NOP9: variants seen among roughly 807,000 people sequenced by gnomAD.
The protein encoded by NOP9 is NOP9 nucleolar protein.
NOP9 carries 50 observed loss-of-function variants against 63.0 expected under a neutral mutation model. That is an observed-to-expected ratio of 0.79 (90% CI 0.63 to 1.00). The LOEUF is 1.00. NOP9 is among the 50% of genes least tolerant of loss of function. The pLI is 0.00. For synonymous variants in NOP9, 343 were observed against 332.8 expected (o/e 1.03, Z -0.33); for missense variants, 758 against 803.0 (o/e 0.94, Z 0.68).
the NOP9 span, among the ~76,000 whole-genome samples, chr14:24,288,130 C>T: frequency 2.6e-5 from 4 of 152,166 alleles, no homozygotes; most frequent in African/African-American, 9.7e-5. Context: ...ATACCAGGAC[C>T]GAGGTCTTAC....
chr14:24,307,447 G>A lies in NOP9; in HGVS notation c.*2352G>A, dbSNP rs373402348. The A allele has an allele frequency of 5.0e-6, 8 of 1,614,170 alleles. No homozygotes were observed. Among genetic ancestry groups the A allele is most frequent in the Non-Finnish European group, 3.4e-6 (4 of 1,180,024 alleles). Reference sequence around the variant, plus strand: ...CCGCTTGTGATCACAGACACGGAAAGGTCGCTGGGGTGGTGGAGCTGAGGT... The same window carrying A: ...CCGCTTGTGATCACAGACACGGAAAAGTCGCTGGGGTGGTGGAGCTGAGGT... On this transcript the variant is annotated 3_prime_UTR_variant, in exon 10 of 10. Transcript: ENST00000267425.
At chr14:24,272,022 C>T in the NOP9 span, among the ~76,000 whole-genome samples, 6 of 152,200 alleles carry the variant, frequency 3.9e-5, no homozygotes, top group Non-Finnish European at 7.3e-5. Context: ...ACCTCCACCC[C>T]TAAATGTTGG....
intron 6 of NOP9, 88 bp from the exon 7 acceptor site, chr14:24,303,644 T>G: frequency 7.0e-7 from 1 of 1,430,708 alleles, no homozygotes; most frequent in Non-Finnish European, 9.8e-7. Context: ...GAGTTGGGCC[T>G]TCTTTCCTTT....
chr14:24,294,272 A>G, the NOP9 span: 3 of 152,108 alleles, frequency 2.0e-5, no homozygotes, highest in African/African-American at 7.2e-5. Context: ...ACAAAGATAC[A>G]TGTATATTTC....
In NOP9 at chr14:24,303,842, G is replaced by A. The variant is rs951482358; in HGVS notation, c.1395G>A (p.Val465=). Residue 465 remains valine (V), a synonymous_variant, in exon 7 of 10, where the codon GTG becomes GTA. Transcript: ENST00000267425. ...YYGLTEEEGA[V]PAEHQVAMAA... ...GACTGACGGAGGAGGAGGGGGCAGT[G>A]CCTGCAGAGCACCAGGTGAGGTAGG... 6.2e-7 allele frequency: 1 copy of A among 1,614,118 alleles called. No homozygotes were observed. Among genetic ancestry groups the A allele is most frequent in the Non-Finnish European group, 8.5e-7 (1 of 1,179,966 alleles).
the NOP9 span, among the ~76,000 whole-genome samples, chr14:24,283,251 A>ATG: frequency 6.6e-6 from 1 of 152,174 alleles, no homozygotes; most frequent in Non-Finnish European, 1.5e-5. Context: ...GCCATTGTAC[A>ATG]TATGTATCTC....
the NOP9 span, chr14:24,294,550 T>G: frequency 6.6e-6 from 1 of 152,012 alleles, no homozygotes; most frequent in Non-Finnish European, 1.5e-5. Flanking sequence ...GATTGCACAC[T>G]GCACTCTAGC....
chr14:24,283,884 C>T, the NOP9 span, among the ~76,000 whole-genome samples: 16 of 152,404 alleles, frequency 1.0e-4, no homozygotes, highest in Admixed American at 2.6e-4. Context: ...CCTCCTTAGC[C>T]CCTGCTCAGT....
chr14:24,301,774 C>G, intron 3 of NOP9, 52 bp downstream of exon 3: 1 of 1,585,568 alleles, frequency 6.3e-7, no homozygotes, highest in Non-Finnish European at 8.7e-7. Flanking sequence ...TGGAGGTCAT[C>G]TTACCACCAA....
the NOP9 span, chr14:24,290,942 C>A: frequency 6.2e-7 from 1 of 1,613,862 alleles, no homozygotes; most frequent in Admixed American, 1.7e-5. Flanking sequence ...CAGCCCAGGC[C>A]GGACACGTGT....
chr14:24,277,291 G>A, the NOP9 span, among the ~76,000 whole-genome samples: 1 of 152,182 alleles, frequency 6.6e-6, no homozygotes, highest in South Asian at 2.1e-4. Context: ...ATGTGGAGAT[G>A]TCCTGAGGCA....
chr14:24,293,033 A>G, the NOP9 span: 9 of 473,818 alleles, frequency 1.9e-5, no homozygotes, highest in Non-Finnish European at 3.3e-5. Context: ...GCCCTGTCAC[A>G]ATAACAATTA....
the NOP9 span, among the ~76,000 whole-genome samples, chr14:24,287,442 A>C: frequency 6.6e-6 from 1 of 152,172 alleles, no homozygotes; most frequent in African/African-American, 2.4e-5. Context: ...TGCAGCTGAG[A>C]GGGTGCTCGT....
the NOP9 span, among the ~76,000 whole-genome samples, chr14:24,279,965 G>A: frequency 1.3e-5 from 2 of 152,186 alleles, no homozygotes; most frequent in Non-Finnish European, 2.9e-5. Flanking sequence ...AACACAGGGG[G>A]CTAAGGACAT....
the NOP9 span, among the ~76,000 whole-genome samples, chr14:24,276,404 A>C: frequency 6.6e-6 from 1 of 151,430 alleles, no homozygotes; most frequent in African/African-American, 2.4e-5. Context: ...AGGTGGGACT[A>C]CAGGCACACA....
Position 24,307,607 on chromosome 14 carries a change from G to T in NOP9, c.*2512G>T, listed in dbSNP as rs773766474. ...AGGGTAGAGTGGCTAGAGGGCTAGG[G>T]AGGGAGAGATCTAGGTTTATCGATT... On this transcript the variant is annotated 3_prime_UTR_variant, in exon 10 of 10. Coordinates refer to ENST00000267425, the MANE Select transcript of NOP9 (RefSeq NM_174913.3). 2.8e-4 allele frequency: 406 copies of T among 1,454,964 alleles called. No individual in the cohort carries two copies. Among genetic ancestry groups the T allele is most frequent in the Non-Finnish European group, 3.3e-4 (352 of 1,054,922 alleles). 90.1% of individuals were successfully genotyped at this position (1,454,964 alleles called of 1,614,324 possible).
Position 24,303,181 on chromosome 14 carries a change from C to T in NOP9, c.1251C>T (p.Ala417=). ...ALVGACRRVG[A]YQAKVLQLLL... ...TGGGGGCCTGTCGCAGAGTTGGGGC[C>T]TACCAAGCCAAGGTCCTACAGCTCT... The change falls in exon 6 of 10, where the codon GCC becomes GCT. Residue 417 remains alanine, a synonymous_variant. Coordinates refer to ENST00000267425, the MANE Select transcript of NOP9 (RefSeq NM_174913.3). 7.4e-6 allele frequency: 12 copies of T among 1,614,046 alleles called. No homozygotes were observed. Among genetic ancestry groups the T allele is most frequent in the Non-Finnish European group, 1.0e-5 (12 of 1,179,996 alleles).
chr14:24,300,178 C>A lies in NOP9; in HGVS notation c.224C>A (p.Ala75Asp). The change falls in exon 1 of 10, where the codon GCT becomes GAT. Residue 75 changes from alanine (A) to aspartate (D), a missense_variant. Transcript: ENST00000267425. ...FRRALSALKE[A>D]PETGEERDLM... Reference sequence around the variant, plus strand: ...CGGGCGCTGTCAGCATTGAAAGAGGCTCCCGAGACTGGGGAAGAACGAGGT... The same window carrying A: ...CGGGCGCTGTCAGCATTGAAAGAGGATCCCGAGACTGGGGAAGAACGAGGT... 6.2e-7 allele frequency: 1 copy of A among 1,614,108 alleles called. No homozygotes were observed. The highest frequency in any genetic ancestry group is 1.3e-5 in the African/African-American group (1 of 75,076).
At chr14:24,287,893 A>T in the NOP9 span, among the ~76,000 whole-genome samples, 49 of 152,274 alleles carry the variant, frequency 3.2e-4, 1 homozygote, top group Non-Finnish European at 8.8e-5. Flanking sequence ...AGTTTCAAAA[A>T]ACAAATGTCT....
Sources: allele counts gnomAD v4.1 joint callset (sites outside exome capture counted in the v4.1 genomes callset), GRCh38; gene constraint gnomAD v4.1.1; transcripts MANE v1.5; gene names NCBI Gene and HGNC (gene_info 2026-07-23, HGNC 2026-07-21).